FMN2: variants seen among roughly 807,000 people sequenced by gnomAD.
The protein encoded by FMN2 is formin-2.
FMN2 carries 51 observed loss-of-function variants against 142.3 expected under a neutral mutation model. The ratio of observed to expected loss-of-function variants is 0.36; its 90% CI spans 0.29 to 0.45. FMN2 has a LOEUF of 0.45. Ranked by LOEUF, FMN2 falls within the 20% of genes least tolerant of loss-of-function variation. FMN2 has a pLI of 1.00. For missense variants in FMN2, 1,936 were observed against 2,122.8 expected (o/e 0.91, Z 1.73); for synonymous variants, 882 against 869.8 (o/e 1.01, Z -0.25).
intron 15 of FMN2, among the ~76,000 whole-genome samples, chr1:240,413,246 G>C (rs879611361): frequency 6.6e-6 from 1 of 151,122 alleles, no homozygotes; most frequent in Non-Finnish European, 1.5e-5. Context: ...AATGAAGTTG[G>C]TAGAGCTAGT....
chr1:240,257,896 A>C, intron 6 of FMN2, 49 bp from the exon 7 acceptor site: 1 of 1,472,798 alleles, frequency 6.8e-7, no homozygotes, highest in Non-Finnish European at 9.5e-7. Flanking sequence ...TAGTAAGCAT[A>C]TTGGAGTTCA....
chr1:240,164,276 C>A (rs769898415), intron 2 of FMN2, among the ~76,000 whole-genome samples: 48 of 152,150 alleles, frequency 3.2e-4, no homozygotes, highest in Non-Finnish European at 5.0e-4. Flanking sequence ...AATTAAGCAA[C>A]CTTAAGACCT....
rs933401880 is a variant in FMN2 at position 240,290,249 on chromosome 1, G to A, written c.4154-4573G>A. On this transcript the variant is annotated intron_variant, in intron 7 of 17. Coordinates refer to ENST00000319653, the MANE Select transcript of FMN2 (RefSeq NM_020066.5). ...TTTAAATATCTTAGGTTAAATTGACGATTGGACTTCCAAAACAGGCCATTT... is the reference window on the plus strand; with the variant it reads ...TTTAAATATCTTAGGTTAAATTGACAATTGGACTTCCAAAACAGGCCATTT... Among the ~76,000 whole-genome samples, 5 of 152,076 alleles carry A rather than the reference G, an allele frequency of 3.3e-5. No individual in the cohort carries two copies. The East Asian group carries it at 5.8e-4, about 18-fold the overall frequency.
intron 6 of FMN2, among the ~76,000 whole-genome samples, chr1:240,233,145 C>G (rs189742482): frequency 2.8e-4 from 43 of 152,242 alleles, no homozygotes; most frequent in African/African-American, 8.9e-4. Flanking sequence ...CTTTGGGAGG[C>G]CAAGGCAGGT....
At chr1:240,375,194 C>T (rs931151502) in intron 14 of FMN2, among the ~76,000 whole-genome samples, 4 of 151,824 alleles carry the variant, frequency 2.6e-5, no homozygotes, top group Admixed American at 2.6e-4. Context: ...ATAAATACAT[C>T]AAAGATCACT....
chr1:240,397,418 T>G (rs941375827), intron 15 of FMN2, among the ~76,000 whole-genome samples: 2 of 152,158 alleles, frequency 1.3e-5, no homozygotes, highest in African/African-American at 4.8e-5. Context: ...TTCAACTGAT[T>G]GGAGGAAACC....
intron 6 of FMN2, among the ~76,000 whole-genome samples, chr1:240,226,061 C>A (rs1469503252): frequency 6.6e-6 from 1 of 151,978 alleles, no homozygotes; most frequent in Non-Finnish European, 1.5e-5. Flanking sequence ...TGGGGGTACA[C>A]CACTAAGGGA....
At chr1:240,178,184 A>G in intron 3 of FMN2, 116 bp downstream of exon 3, 2 of 1,225,634 alleles carry the variant, frequency 1.6e-6, no homozygotes, top group Non-Finnish European at 1.1e-6. Flanking sequence ...GCATTCAGAT[A>G]TAATCTTCAA....
At chr1:240,368,961 A>ATG (rs1672771553) in intron 14 of FMN2, among the ~76,000 whole-genome samples, 1 of 151,198 alleles carries the variant, frequency 6.6e-6, no homozygotes, top group Non-Finnish European at 1.5e-5. Context: ...ATGTTTATAT[A>ATG]TATATATATA....
At chr1:240,220,510 C>G (rs1322626792) in intron 6 of FMN2, among the ~76,000 whole-genome samples, 2 of 152,014 alleles carry the variant, frequency 1.3e-5, no homozygotes, top group African/African-American at 4.8e-5. Context: ...TCACCATCAT[C>G]GATGGAAGTA....
At chr1:240,360,298 G>A (rs1201355169) in intron 14 of FMN2, among the ~76,000 whole-genome samples, 2 of 152,210 alleles carry the variant, frequency 1.3e-5, no homozygotes, top group Non-Finnish European at 1.5e-5. Context: ...TTATACAGAA[G>A]CTCCCACACT....
At chr1:240,443,384 C>T (rs373750090) in intron 16 of FMN2, among the ~76,000 whole-genome samples, 1 of 152,170 alleles carries the variant, frequency 6.6e-6, no homozygotes, top group Non-Finnish European at 1.5e-5. Context: ...CTAGACTTGT[C>T]ATCACTGAGC....
intron 16 of FMN2, among the ~76,000 whole-genome samples, chr1:240,439,624 A>G (rs1485182441): frequency 6.6e-6 from 1 of 152,228 alleles, no homozygotes; most frequent in African/African-American, 2.4e-5. Context: ...TGCTAAAGAT[A>G]ATGAGCTTAT....
At chr1:240,328,168 A>AAAAAAAAG (rs1553363688) in intron 8 of FMN2, among the ~76,000 whole-genome samples, 7 of 135,854 alleles carry the variant, frequency 5.2e-5, no homozygotes, top group Admixed American at 3.4e-4. Flanking sequence ...AAAAAAAAAA[A>AAAAAAAAG]AAAAGAAAAA....
In FMN2 at chr1:240,093,635, G is replaced by T. The variant is rs766212635; in HGVS notation, c.1526G>T (p.Ser509Ile). The change falls in exon 1 of 18, where the codon AGT becomes ATT. Residue 509 changes from serine to isoleucine, a missense_variant. Around this residue, in one of 8 missense-constraint regions of FMN2, gnomAD observed 751 missense variants for 791.8 expected, o/e 0.95. Coordinates refer to ENST00000319653, the MANE Select transcript of FMN2 (RefSeq NM_020066.5). Reference sequence around the variant, plus strand: ...CACCTGCTGGAGCGCGGGGTGGCGAGTGACAGCGGCGGTGGGGTGTCCCCA... The same window carrying T: ...CACCTGCTGGAGCGCGGGGTGGCGATTGACAGCGGCGGTGGGGTGTCCCCA... ...SAHLLERGVA[S>I]DSGGGVSPAL... 16 of 1,422,874 alleles carry T rather than the reference G, an allele frequency of 1.1e-5. No homozygotes were observed. Among genetic ancestry groups the T allele is most frequent in the Non-Finnish European group, 1.5e-5 (16 of 1,100,354 alleles). The allele number at this position is 1,422,874 out of a possible 1,614,324, so 88.1% of individuals were successfully genotyped here.
At chr1:240,455,274 C>T (rs953457351) in intron 16 of FMN2, among the ~76,000 whole-genome samples, 3 of 70,770 alleles carry the variant, frequency 4.2e-5, no homozygotes, top group Non-Finnish European at 7.0e-5. Context: ...GGTGGCTCAC[C>T]GGGGCAGGAG....
chr1:240,402,870 G>A (rs558425084), intron 15 of FMN2, among the ~76,000 whole-genome samples: 3 of 152,176 alleles, frequency 2.0e-5, no homozygotes, highest in South Asian at 2.1e-4. Context: ...ATGAACTAAG[G>A]CTAACTTGAA....
intron 7 of FMN2, among the ~76,000 whole-genome samples, chr1:240,261,703 A>T (rs1434305239): frequency 6.6e-6 from 1 of 152,170 alleles, no homozygotes; most frequent in East Asian, 1.9e-4. Flanking sequence ...AAAGGCAGAG[A>T]GGAGAGAAGA....
At chr1:240,238,100 G>A (rs1176366692) in intron 6 of FMN2, among the ~76,000 whole-genome samples, 2 of 152,138 alleles carry the variant, frequency 1.3e-5, no homozygotes, top group Non-Finnish European at 2.9e-5. Context: ...TTCACCTGTA[G>A]TCATTTCCAG....
Sources: allele counts gnomAD v4.1 joint callset (sites outside exome capture counted in the v4.1 genomes callset), GRCh38; gene constraint gnomAD v4.1.1; regional missense constraint gnomAD v4.1.1; transcripts MANE v1.5; gene names NCBI Gene and HGNC (gene_info 2026-07-23, HGNC 2026-07-21).